AGFG2: variants seen among roughly 807,000 people sequenced by gnomAD.
The protein encoded by AGFG2 is ArfGAP with FG repeats 2.
AGFG2 carries 31 observed loss-of-function variants against 48.0 expected under a neutral mutation model. That is an observed-to-expected ratio of 0.65 (90% CI 0.49 to 0.87). The LOEUF (loss-of-function observed/expected upper bound fraction) is 0.87. Among genes scored for constraint, AGFG2 ranks in the 40% least tolerant of loss-of-function variants. The probability of loss-of-function intolerance (pLI) is 0.00; values close to 1 mark genes in which losing one functional copy is unlikely to be tolerated. For missense variants in AGFG2, 599 were observed against 632.6 expected (o/e 0.95, Z 0.57); for synonymous variants, 229 against 260.8 (o/e 0.88, Z 1.18).
At position 100,548,888 on chromosome 7, in the gene AGFG2, A is replaced by G. The variant is rs764799474; in HGVS notation, c.288A>G (p.Val96=). 1.2e-6 allele frequency: 2 copies of G among 1,613,642 alleles called. No individual in the cohort carries two copies. Among genetic ancestry groups the G allele is most frequent in the Non-Finnish European group, 1.7e-6 (2 of 1,179,792 alleles). ...ISMTTFTEPE[V]VFLQSRGNEV... is the part of the protein sequence containing the mutation. Reference sequence around the variant, plus strand: ...TGACAACTTTCACTGAGCCTGAAGTAGTATTCCTGCAATCCCGTGGAAATG... The same window carrying G: ...TGACAACTTTCACTGAGCCTGAAGTGGTATTCCTGCAATCCCGTGGAAATG... Residue 96 remains valine, a synonymous_variant, in exon 2 of 12, where the codon GTA becomes GTG. Coordinates refer to ENST00000300176, the MANE Select transcript of AGFG2 (RefSeq NM_006076.5).
chr7:100,562,959 C>G lies in AGFG2; in HGVS notation c.1171+13C>G. On this transcript the variant is annotated intron_variant, in intron 9 of 11. Transcript: ENST00000300176. The surrounding 1 kb of genome is among the most constrained non-coding windows in gnomAD (Gnocchi z 5.4). ...GGCTTGGCGCCAGGTAAGCCTCCAG[C>G]ATGGTCCCTTGTCCTGACCATCTGA... is the stretch of plus-strand genomic sequence containing the variant. The G allele has an allele frequency of 6.2e-7, 1 of 1,609,890 alleles. No homozygotes were observed. The highest frequency in any genetic ancestry group is 8.5e-7 in the Non-Finnish European group (1 of 1,176,752).
Position 100,544,730 on chromosome 7 carries a change from G to A in AGFG2, c.222-4092G>A, listed in dbSNP as rs1277515940. Reference sequence around the variant, plus strand: ...AAAGGGATGAGAAAAAGCTCGACGTGGGGTGGTGGGCGGGGGGGTGGGGAT... The same window carrying A: ...AAAGGGATGAGAAAAAGCTCGACGTAGGGTGGTGGGCGGGGGGGTGGGGAT... On this transcript the variant is annotated intron_variant, in intron 1 of 11. Coordinates refer to ENST00000300176, the MANE Select transcript of AGFG2 (RefSeq NM_006076.5). Among the ~76,000 whole-genome samples, 8 of 151,790 alleles carry A rather than the reference G, an allele frequency of 5.3e-5. 1 individual carries two copies. The East Asian group carries it at 1.6e-3, about 29-fold the overall frequency.
At chr7:100,549,015 G>A in intron 2 of AGFG2, 100 bp downstream of exon 2, 1 of 951,030 alleles carries the variant, frequency 1.1e-6, no homozygotes. Context: ...TTTTGGTTGA[G>A]TTTCTCTTAA....
chr7:100,562,307 G>A lies in AGFG2; in HGVS notation c.926G>A (p.Ser309Asn). Reference sequence around the variant, plus strand: ...GGTGCCACTCCCCTGGCACCCGCCAGTCAGCCAAACAGCCTCGCAGACGTG... The same window carrying A: ...GGTGCCACTCCCCTGGCACCCGCCAATCAGCCAAACAGCCTCGCAGACGTG... ...PFGATPLAPA[S>N]QPNSLADVGS... The change falls in exon 7 of 12, where the codon AGT (serine) becomes AAT (asparagine). Residue 309 changes from serine (S) to asparagine (N), a missense_variant. Ser to Asn is a conservative substitution (Grantham distance 46). Transcript: ENST00000300176. This position sits in a 1 kb window ranked among gnomAD's most constrained non-coding sequence, Gnocchi z 5.4. 1.2e-6 allele frequency: 2 copies of A among 1,614,156 alleles called. No homozygotes were observed. The highest frequency in any genetic ancestry group is 1.7e-6 in the Non-Finnish European group (2 of 1,180,026).
intron 9 of AGFG2, among the ~76,000 whole-genome samples, chr7:100,563,604 G>A (rs966608360): frequency 2.6e-5 from 4 of 152,292 alleles, no homozygotes; most frequent in South Asian, 2.1e-4. Flanking sequence ...GTCCTGCACC[G>A]CGCCCGTGCC....
intron 1 of AGFG2, among the ~76,000 whole-genome samples, chr7:100,548,029 A>T (rs900582773): frequency 6.6e-6 from 1 of 151,998 alleles, no homozygotes; most frequent in East Asian, 1.9e-4. Flanking sequence ...GCCTTCCCTC[A>T]TGCTTGAAGG....
chr7:100,551,053 TATATATATATA>T (rs1341353292), intron 3 of AGFG2, among the ~76,000 whole-genome samples: 5 of 86,402 alleles, frequency 5.8e-5, no homozygotes, highest in African/African-American at 2.0e-4. Flanking sequence ...TATATATATA[TATATATATATA>T]TATTTCTTTT....
At chr7:100,553,613 TGGGTCTC>T (rs1800695025) in intron 4 of AGFG2, 113 bp downstream of exon 4, 1 of 1,300,456 alleles carries the variant, frequency 7.7e-7, no homozygotes. Flanking sequence ...AGCTGTGAGT[TGGGTCTC>T]GGCTCTGCTG....
chr7:100,540,069 C>T (rs1800393385), intron 1 of AGFG2, among the ~76,000 whole-genome samples: 1 of 149,610 alleles, frequency 6.7e-6, no homozygotes, highest in Admixed American at 6.7e-5. Context: ...GTGTGAGATG[C>T]AGAAGCCAGC....
At chr7:100,559,840 A>G (rs1800827947) in intron 6 of AGFG2, among the ~76,000 whole-genome samples, 1 of 150,194 alleles carries the variant, frequency 6.7e-6, no homozygotes. Context: ...AAAAAAGTGC[A>G]TGAAATGAAA....
In AGFG2 at chr7:100,555,753, G is replaced by A. The variant is rs757199718; in HGVS notation, c.877+18G>A. On this transcript the variant is annotated intron_variant, in intron 6 of 11. Transcript: ENST00000300176. ...TCCTGCAGGTAAACTCTGCCCCACT[G>A]GCTTCCTTTCTCTTCCAACCGTGTC... The A allele has an allele frequency of 1.2e-6, 2 of 1,612,862 alleles. No homozygotes were observed. The highest frequency in any genetic ancestry group is 2.2e-5 in the East Asian group (1 of 44,826).
At chr7:100,555,542 G>A in intron 5 of AGFG2, 68 bp from the exon 6 acceptor site, 1 of 1,556,460 alleles carries the variant, frequency 6.4e-7, no homozygotes, top group Non-Finnish European at 8.8e-7. Context: ...CAAAGTGCTG[G>A]AATTACAGGC....
chr7:100,555,997 C>A, intron 6 of AGFG2: 1 of 363,292 alleles, frequency 2.8e-6, no homozygotes, highest in Non-Finnish European at 5.1e-6. Context: ...AAACTTTTCA[C>A]TAGGAAGTAT....
In AGFG2 at chr7:100,566,787, T is replaced by C. The variant is rs1189624647; in HGVS notation, c.*1796T>C. On this transcript the variant is annotated 3_prime_UTR_variant, in exon 12 of 12. Transcript: ENST00000300176. ...GCCTTTGCATGTTCCATCTCTTCTC[T>C]TTCTCCCCTCTTCGCCACCCTAGAT... 4 of 152,350 alleles carry C rather than the reference T, an allele frequency of 2.6e-5. No individual in the cohort carries two copies. Among genetic ancestry groups the C allele is most frequent in the Admixed American group, 2.0e-4 (3 of 15,282 alleles). The allele number at this position is 152,350 out of a possible 1,614,324, so 9.4% of individuals were successfully genotyped here.
chr7:100,559,867 G>A lies in AGFG2; in HGVS notation c.878-2392G>A, dbSNP rs575809988. ...GAAATGAAAAGCAAACAGGAGTGCAGGTGTTTCTTGGGCCACCGCCTCCTT... is the reference window on the plus strand; with the variant it reads ...GAAATGAAAAGCAAACAGGAGTGCAAGTGTTTCTTGGGCCACCGCCTCCTT... On this transcript the variant is annotated intron_variant, in intron 6 of 11. Transcript: ENST00000300176. Among the ~76,000 whole-genome samples the A allele has an allele frequency of 2.6e-5, 4 of 151,990 alleles. No homozygotes were observed. In the East Asian group the frequency reaches 7.7e-4, roughly 29 times the overall value.
intron 6 of AGFG2, among the ~76,000 whole-genome samples, chr7:100,560,067 C>A (rs1800833178): frequency 6.6e-6 from 1 of 152,132 alleles, no homozygotes; most frequent in African/African-American, 2.4e-5. Context: ...AGTCAGCCAT[C>A]CGAGGAAAGG....
At chr7:100,552,695 TTA>T (rs1433776830) in intron 3 of AGFG2, among the ~76,000 whole-genome samples, 6 of 152,134 alleles carry the variant, frequency 3.9e-5, no homozygotes, top group African/African-American at 1.4e-4. Context: ...AAGCTGACAC[TTA>T]CAGAGTAGGG....
chr7:100,564,816 C>T, intron 11 of AGFG2, 116 bp from the exon 12 acceptor site: 4 of 1,220,736 alleles, frequency 3.3e-6, no homozygotes, highest in South Asian at 1.2e-5. Context: ...TTCTCCCTCA[C>T]TTTCCCACTG....
chr7:100,553,989 T>A (rs1248427851), intron 4 of AGFG2, 104 bp from the exon 5 acceptor site: 2 of 1,376,132 alleles, frequency 1.5e-6, no homozygotes, highest in Non-Finnish European at 9.8e-7. Flanking sequence ...TTACTCACTG[T>A]CTTCTCTCTC....
Sources: gnomAD v4.1 joint callset for allele counts (sites outside exome capture counted in the v4.1 genomes callset) on GRCh38, gnomAD v4.1.1 for gene constraint, Gnocchi (gnomAD v3.1) non-coding constraint, MANE v1.5 for transcripts, NCBI Gene and HGNC (gene_info 2026-07-23, HGNC 2026-07-21) for gene names.